NXPH2: variants seen among roughly 807,000 people sequenced by gnomAD.
The protein encoded by NXPH2 is neurexophilin-2.
A neutral mutation model predicts 19.8 loss-of-function variants in NXPH2; 5 were observed. That is an observed-to-expected ratio of 0.25 (90% CI 0.13 to 0.53). The LOEUF (loss-of-function observed/expected upper bound fraction) is 0.53. Among genes scored for constraint, NXPH2 ranks in the 20% least tolerant of loss-of-function variants. The pLI is 0.96. For missense variants in NXPH2, 289 were observed against 322.8 expected, an observed-to-expected ratio of 0.90 and a Z score of 0.80; for synonymous variants, 154 against 127.4, an observed-to-expected ratio of 1.21 and a Z score of -1.41.
intron 1 of NXPH2, among the ~76,000 whole-genome samples, chr2:138,706,720 T>A (rs1441972062): frequency 6.6e-6 from 1 of 151,986 alleles, no homozygotes; most frequent in Non-Finnish European, 1.5e-5. Context: ...GAGAACAGCC[T>A]GGGCAACATA....
At chr2:138,753,640 C>A (rs1265283038) in intron 1 of NXPH2, among the ~76,000 whole-genome samples, 1 of 152,026 alleles carries the variant, frequency 6.6e-6, no homozygotes, top group African/African-American at 2.4e-5. Context: ...CCATGTGTAT[C>A]TGCATTAAAC....
At chr2:138,673,043 T>C (rs1395809648) in intron 1 of NXPH2, among the ~76,000 whole-genome samples, 1 of 152,224 alleles carries the variant, frequency 6.6e-6, no homozygotes, top group Non-Finnish European at 1.5e-5. Flanking sequence ...ATAGGTTTCT[T>C]TAAAATTATT....
chr2:138,696,016 AAAAT>A lies in NXPH2; in HGVS notation c.52-24355_52-24352del, dbSNP rs36105639. The stretch of plus-strand genomic sequence containing the variant: ...GCAACAGAGGAAGACCCTGTCTCTA[AAAAT>A]AAATAAATAAATAAATAAACTGAAA... On this transcript the variant is annotated intron_variant, in intron 1 of 1. Coordinates refer to ENST00000272641, the MANE Select transcript of NXPH2 (RefSeq NM_007226.3). Among the ~76,000 whole-genome samples, 541 of 151,858 alleles carry A rather than the reference AAAAT, an allele frequency of 3.6e-3. 3 individuals carry two copies. Among genetic ancestry groups the A allele is most frequent in the African/African-American group, 8.8e-3 (363 of 41,190 alleles).
At chr2:138,703,011 T>C (rs1680953351) in intron 1 of NXPH2, among the ~76,000 whole-genome samples, 1 of 152,182 alleles carries the variant, frequency 6.6e-6, no homozygotes, top group African/African-American at 2.4e-5. Context: ...TAAGAAAAAT[T>C]GTGCTTTGGC....
intron 1 of NXPH2, among the ~76,000 whole-genome samples, chr2:138,708,526 G>A (rs1681052006): frequency 6.6e-6 from 1 of 152,204 alleles, no homozygotes; most frequent in South Asian, 2.1e-4. Flanking sequence ...AGCAATTTGA[G>A]TGAACATTGC....
rs141410067 is a variant in NXPH2, at chr2:138,737,148, G to T, written c.51+43043C>A. On this transcript the variant is annotated intron_variant, in intron 1 of 1. Transcript: ENST00000272641. ...TCCAAAGTTGCTTCCACATTTTCAG[G>T]TATCTTTTTAGGGGCATCCTACTCC... Among the ~76,000 whole-genome samples the T allele has an allele frequency of 2.5e-3, 387 of 152,160 alleles. 1 individual carries two copies. Among genetic ancestry groups the T allele is most frequent in the African/African-American group, 8.5e-3 (351 of 41,512 alleles).
intron 1 of NXPH2, among the ~76,000 whole-genome samples, chr2:138,771,221 T>C (rs1376953889): frequency 6.6e-6 from 1 of 152,106 alleles, no homozygotes; most frequent in African/African-American, 2.4e-5. Context: ...TTATGGCATA[T>C]CAATGCCATG....
At chr2:138,702,968 A>C (rs908748722) in intron 1 of NXPH2, among the ~76,000 whole-genome samples, 1 of 152,154 alleles carries the variant, frequency 6.6e-6, no homozygotes, top group Admixed American at 6.5e-5. Flanking sequence ...AAATCAAAGG[A>C]TGTTCTATTG....
chr2:138,736,821 A>G (rs1397087663), intron 1 of NXPH2, among the ~76,000 whole-genome samples: 1 of 152,176 alleles, frequency 6.6e-6, no homozygotes, highest in Non-Finnish European at 1.5e-5. Flanking sequence ...CTGCTTAGAA[A>G]TTTCTTCTGC....
intron 1 of NXPH2, among the ~76,000 whole-genome samples, chr2:138,776,905 G>A (rs1211093933): frequency 1.3e-5 from 2 of 151,856 alleles, no homozygotes; most frequent in Admixed American, 6.6e-5. Flanking sequence ...TCATCACAAG[G>A]ATCTGATTTT....
In NXPH2 at chr2:138,719,269, T is replaced by C. The variant is rs189668388; in HGVS notation, c.52-47604A>G. ...AAGGTAAAAAAAAGAATTTGCAAAATAGAGTATCATCCCTATAAAGGTAAG... is the reference window on the plus strand; with the variant it reads ...AAGGTAAAAAAAAGAATTTGCAAAACAGAGTATCATCCCTATAAAGGTAAG... On this transcript the variant is annotated intron_variant, in intron 1 of 1. Transcript: ENST00000272641. Among the ~76,000 whole-genome samples the C allele has an allele frequency of 2.0e-3, 304 of 152,098 alleles. 1 individual carries two copies. The highest frequency in any genetic ancestry group is 4.4e-3 in the South Asian group (21 of 4,822).
chr2:138,776,577 T>C (rs1682265995), intron 1 of NXPH2, among the ~76,000 whole-genome samples: 1 of 151,522 alleles, frequency 6.6e-6, no homozygotes, highest in Admixed American at 6.6e-5. Flanking sequence ...TTCATTTTAA[T>C]GCACGGCCAA....
intron 1 of NXPH2, among the ~76,000 whole-genome samples, chr2:138,740,486 G>A (rs951275002): frequency 1.3e-5 from 2 of 152,044 alleles, no homozygotes; most frequent in Admixed American, 6.6e-5. Context: ...AAATGAATCC[G>A]CTAATTAAAT....
intron 1 of NXPH2, among the ~76,000 whole-genome samples, chr2:138,750,151 T>C (rs1395465334): frequency 6.6e-6 from 1 of 152,186 alleles, no homozygotes; most frequent in East Asian, 1.9e-4. Context: ...AATGCAGATT[T>C]TTTTTACTTC....
intron 1 of NXPH2, among the ~76,000 whole-genome samples, chr2:138,672,353 A>C (rs1357181009): frequency 6.6e-6 from 1 of 152,218 alleles, no homozygotes; most frequent in Non-Finnish European, 1.5e-5. Flanking sequence ...ATTTTATTAC[A>C]ACTGAATTAT....
intron 1 of NXPH2, among the ~76,000 whole-genome samples, chr2:138,719,937 T>C (rs940451564): frequency 6.6e-6 from 1 of 152,148 alleles, no homozygotes; most frequent in Non-Finnish European, 1.5e-5. Context: ...TATAAAAAAA[T>C]TATTACATTA....
rs536988211 is a variant in NXPH2 at position 138,681,947 on chromosome 2, C to T, written c.52-10282G>A. On this transcript the variant is annotated intron_variant, in intron 1 of 1. Coordinates refer to ENST00000272641, the MANE Select transcript of NXPH2 (RefSeq NM_007226.3). ...TTTAAGCCAAGAACCCCAAAGTGAC[C>T]GCTATTATACAATCTAGAGGTGGCT... Among the ~76,000 whole-genome samples, 8 of 152,126 alleles carry T rather than the reference C, an allele frequency of 5.3e-5. No homozygotes were observed. In the South Asian group the frequency reaches 6.2e-4, roughly 12 times the overall value.
intron 1 of NXPH2, among the ~76,000 whole-genome samples, chr2:138,758,933 T>C (rs1348627576): frequency 6.6e-6 from 1 of 152,212 alleles, no homozygotes; most frequent in African/African-American, 2.4e-5. Context: ...TTGACAGATA[T>C]AAAACTTATC....
At position 138,771,002 on chromosome 2, in the gene NXPH2, C is replaced by T. The variant is rs544975750; in HGVS notation, c.51+9189G>A. ...AAATTTTTTTTTAAATACCAGTATT[C>T]AGGTAGTGTGATACAGGCATGCACA... On this transcript the variant is annotated intron_variant, in intron 1 of 1. Coordinates refer to ENST00000272641, the MANE Select transcript of NXPH2 (RefSeq NM_007226.3). Among the ~76,000 whole-genome samples, 31 of 152,038 alleles carry T rather than the reference C, an allele frequency of 2.0e-4. 1 individual carries two copies. The South Asian group carries it at 6.4e-3, about 32-fold the overall frequency.
Sources: allele counts gnomAD v4.1 joint callset (sites outside exome capture counted in the v4.1 genomes callset), GRCh38; gene constraint gnomAD v4.1.1; transcripts MANE v1.5; gene names NCBI Gene and HGNC (gene_info 2026-07-23, HGNC 2026-07-21).